The following PLCE1 variants were observed in gnomAD, a reference collection of about 807,000 sequenced individuals.
The protein encoded by PLCE1 is phospholipase C epsilon 1.
A neutral mutation model predicts 242.8 loss-of-function variants in PLCE1; 119 were observed. The ratio of observed to expected loss-of-function variants is 0.49; its 90% CI spans 0.42 to 0.57. PLCE1 has a LOEUF of 0.57. Among genes scored for constraint, PLCE1 ranks in the 20% least tolerant of loss-of-function variants. The probability of loss-of-function intolerance (pLI) is 0.00; values close to 1 mark genes in which losing one functional copy is unlikely to be tolerated. For synonymous variants in PLCE1, 945 were observed against 1,017.4 expected (o/e 0.93, Z 1.35); for missense variants, 2,441 against 2,788.8 (o/e 0.88, Z 2.81).
chr10:94,116,764 GA>G (rs1174025942), intron 2 of PLCE1, among the ~76,000 whole-genome samples: 5 of 152,158 alleles, frequency 3.3e-5, no homozygotes, highest in Admixed American at 2.0e-4. Flanking sequence ...AAACCTGTTG[GA>G]TGAACTGATG....
chr10:94,270,740 G>C lies in PLCE1; in HGVS notation c.4506+138G>C, dbSNP rs188654122. 1,211 of 732,140 alleles carry C rather than the reference G, an allele frequency of 1.7e-3. 9 individuals carry two copies. The highest frequency in any genetic ancestry group is 2.5e-4 in the South Asian group (18 of 72,294). The allele number at this position is 732,140 out of a possible 1,614,324, so 45.4% of individuals were successfully genotyped here. A position where few individuals can be genotyped will look rare whatever the true frequency, so the allele number is the denominator to read the frequency against. ...GCTGGAGTGCAGTGGTGCAGTCTTG[G>C]CTCACTGCAACCTCTGCCTCTGAGG... On this transcript the variant is annotated intron_variant, in intron 18 of 32. Transcript: ENST00000371380.
At chr10:94,238,282 A>G (rs1349721825) in intron 7 of PLCE1, among the ~76,000 whole-genome samples, 3 of 152,194 alleles carry the variant, frequency 2.0e-5, no homozygotes, top group Admixed American at 6.5e-5. Flanking sequence ...ACAAACTTCA[A>G]GATCTCAGCA....
rs2133916064 is a variant in PLCE1, at chr10:94,325,069, T to G, written c.6898T>G (p.Tyr2300Asp). The G allele has an allele frequency of 6.2e-7, 1 of 1,614,024 alleles. No homozygotes were observed. Among genetic ancestry groups the G allele is most frequent in the Non-Finnish European group, 8.5e-7 (1 of 1,179,860 alleles). ...CTTGTCCTCCAGTGACACAATGGATTACCGACAGTGACTAAGGGCAGCATG... is the reference window on the plus strand; with the variant it reads ...CTTGTCCTCCAGTGACACAATGGATGACCGACAGTGACTAAGGGCAGCATG... ...GGLSSSDTMD[Y>D]RQ The change falls in exon 32 of 33, where the codon TAC becomes GAC. Residue 2300 changes from tyrosine (Y) to aspartate (D), a missense_variant. Transcript: ENST00000371380.
At chr10:94,167,150 G>A (rs532828100) in intron 3 of PLCE1, among the ~76,000 whole-genome samples, 6 of 152,154 alleles carry the variant, frequency 3.9e-5, no homozygotes, top group Non-Finnish European at 5.9e-5. Flanking sequence ...TATTAGCTGG[G>A]CATGGTGACA....
At chr10:94,257,960 A>G (rs1321017526) in intron 11 of PLCE1, among the ~76,000 whole-genome samples, 1 of 152,190 alleles carries the variant, frequency 6.6e-6, no homozygotes, top group Non-Finnish European at 1.5e-5. Flanking sequence ...ACTACAAACC[A>G]TAATCAAAAC....
chr10:94,119,622 T>A (rs2046242595), intron 2 of PLCE1, among the ~76,000 whole-genome samples: 1 of 152,198 alleles, frequency 6.6e-6, no homozygotes, highest in Non-Finnish European at 1.5e-5. Flanking sequence ...AGGTTGTGTC[T>A]TAGATGTTAC....
intron 7 of PLCE1, among the ~76,000 whole-genome samples, chr10:94,238,674 C>T (rs927582217): frequency 6.6e-6 from 1 of 152,036 alleles, no homozygotes; most frequent in Non-Finnish European, 1.5e-5. Context: ...TGTTTAAAAA[C>T]ATATAGAGGC....
chr10:94,273,187 C>A (rs867939831), intron 18 of PLCE1, among the ~76,000 whole-genome samples: 5 of 152,192 alleles, frequency 3.3e-5, no homozygotes, highest in Non-Finnish European at 7.3e-5. Context: ...CTCCCTACCC[C>A]CTCCAAAGTT....
intron 4 of PLCE1, among the ~76,000 whole-genome samples, chr10:94,188,265 C>T (rs1292703865): frequency 1.3e-5 from 2 of 152,226 alleles, no homozygotes; most frequent in South Asian, 2.1e-4. Flanking sequence ...ATTTATAGTC[C>T]TTTAATAATT....
chr10:94,088,928 T>A, intron 2 of PLCE1: 2 of 571,330 alleles, frequency 3.5e-6, no homozygotes, highest in Non-Finnish European at 5.7e-6. Flanking sequence ...AAAAGTTATG[T>A]TTCACAGAGG....
chr10:94,015,350 TGCCAGTA>T (rs369383029), intron 1 of PLCE1, among the ~76,000 whole-genome samples: 1 of 152,078 alleles, frequency 6.6e-6, no homozygotes, highest in Non-Finnish European at 1.5e-5. Context: ...GAAAAAAAAA[TGCCAGTA>T]GCAACTGAGA....
At chr10:94,327,817 T>C (rs1317267125) in intron 32 of PLCE1, 151 bp from the exon 33 acceptor site, 3 of 234,390 alleles carry the variant, frequency 1.3e-5, no homozygotes, top group African/African-American at 2.3e-5. Context: ...AAACATCATG[T>C]TCTAACATTG....
At chr10:94,273,493 G>T in intron 18 of PLCE1, 69 bp from the exon 19 acceptor site, 1 of 1,370,910 alleles carries the variant, frequency 7.3e-7, no homozygotes, top group South Asian at 1.2e-5. Context: ...CTATGTTTAT[G>T]AAGTGTACAT....
At chr10:94,221,036 C>T (rs1342416032) in intron 4 of PLCE1, among the ~76,000 whole-genome samples, 2 of 152,182 alleles carry the variant, frequency 1.3e-5, no homozygotes, top group South Asian at 2.1e-4. Flanking sequence ...TGCGCTGGTA[C>T]TACAGAAATG....
Position 94,329,776 on chromosome 10 carries a change from CAAAAAAAAAAAAAAAAAAAAAAA to C in PLCE1, c.*1846_*1868del, listed in dbSNP as rs71031569. 2.6e-5 allele frequency: 1 copy of C among 37,942 alleles called. No individual in the cohort carries two copies. Among genetic ancestry groups the C allele is most frequent in the Non-Finnish European group, 4.6e-5 (1 of 21,876 alleles). 2.4% of individuals were successfully genotyped at this position (37,942 alleles called of 1,614,324 possible). ...CTGGTGACAGAGCGAGACTCCGTCT[CAAAAAAAAAAAAAAAAAAAAAAA>C]AAAAAAAAAAAACACCATACAGCTT... On this transcript the variant is annotated 3_prime_UTR_variant, in exon 33 of 33. Coordinates refer to ENST00000371380, the MANE Select transcript of PLCE1 (RefSeq NM_016341.4).
chr10:94,175,256 T>C (rs994200555), intron 4 of PLCE1, among the ~76,000 whole-genome samples: 11 of 152,086 alleles, frequency 7.2e-5, no homozygotes, highest in African/African-American at 2.7e-4. Context: ...CTCCTTTCCC[T>C]CTTCCCTCCC....
intron 2 of PLCE1, among the ~76,000 whole-genome samples, chr10:94,103,908 AC>A (rs1276745382): frequency 2.0e-5 from 3 of 152,208 alleles, no homozygotes; most frequent in Non-Finnish European, 4.4e-5. Context: ...CTACCAACAA[AC>A]TATCTCCTTT....
intron 1 of PLCE1, among the ~76,000 whole-genome samples, chr10:94,009,648 C>T (rs2061128679): frequency 6.6e-6 from 1 of 152,142 alleles, no homozygotes; most frequent in South Asian, 2.1e-4. Context: ...AATGGTGGTA[C>T]AGGCATTTGG....
At chr10:94,014,320 C>A (rs2061232995) in intron 1 of PLCE1, among the ~76,000 whole-genome samples, 1 of 151,704 alleles carries the variant, frequency 6.6e-6, no homozygotes, top group Non-Finnish European at 1.5e-5. Context: ...TTAAAGTGTA[C>A]AGGTCAGGTG....
Sources: gnomAD v4.1 joint callset for allele counts (sites outside exome capture counted in the v4.1 genomes callset) on GRCh38, gnomAD v4.1.1 for gene constraint, MANE v1.5 for transcripts, NCBI Gene and HGNC (gene_info 2026-07-23, HGNC 2026-07-21) for gene names.